The following WDR5 variants were observed in gnomAD, a reference collection of about 807,000 sequenced individuals.
The protein encoded by WDR5 is WD repeat domain 5.
For missense variants in WDR5, 187 were observed against 416.9 expected, an observed-to-expected ratio of 0.45 and a Z score of 4.80; for synonymous variants, 144 against 161.6, an observed-to-expected ratio of 0.89 and a Z score of 0.83.
In WDR5 at chr9:134,152,044, G is replaced by T; in HGVS notation, c.631+15G>T. The T allele has an allele frequency of 1.9e-6, 3 of 1,613,172 alleles. No homozygotes were observed. The highest frequency in any genetic ancestry group is 2.5e-6 in the Non-Finnish European group (3 of 1,179,630). On this transcript the variant is annotated intron_variant, in intron 9 of 13. Transcript: ENST00000358625. ...GACGCTCATCGGTGAGTGTGGCTCT[G>T]TGTGGGGGCTGGGTCTGTGGGGAGG...
At chr9:134,153,901 C>T (rs767987927) in intron 9 of WDR5, among the ~76,000 whole-genome samples, 4 of 152,156 alleles carry the variant, frequency 2.6e-5, no homozygotes, top group Non-Finnish European at 4.4e-5. Flanking sequence ...ACCTGTACAT[C>T]GACAGCTTCT....
intron 13 of WDR5, 127 bp downstream of exon 13, chr9:134,156,720 C>T (rs374912356): frequency 5.8e-5 from 50 of 856,700 alleles, no homozygotes; most frequent in African/African-American, 1.9e-4. Context: ...CCGCTGGCCC[C>T]GCTGAGGAAC....
At chr9:134,136,474 C>T (rs1299467510) in intron 1 of WDR5, among the ~76,000 whole-genome samples, 5 of 152,192 alleles carry the variant, frequency 3.3e-5, no homozygotes, top group African/African-American at 1.2e-4. Context: ...GCCAGAGCGC[C>T]GGCACTGGGT....
intron 7 of WDR5, among the ~76,000 whole-genome samples, chr9:134,145,096 G>GTTCTTTTTTTTTTTTTT (rs1554726635): frequency 9.6e-6 from 1 of 104,664 alleles, no homozygotes; most frequent in Non-Finnish European, 1.8e-5. Flanking sequence ...GTGGGGCTTT[G>GTTCTTTTTTTTTTTTTT]TTTTTTTTTT....
intron 7 of WDR5, among the ~76,000 whole-genome samples, chr9:134,144,672 T>A (rs1298935176): frequency 1.3e-5 from 2 of 152,010 alleles, no homozygotes; most frequent in East Asian, 3.9e-4. Context: ...AGATCCTGTC[T>A]CTATACAAAA....
At position 134,141,961 on chromosome 9, in the gene WDR5, G is replaced by A. The variant is rs775145349; in HGVS notation, c.277G>A (p.Val93Ile). 4.0e-5 allele frequency: 65 copies of A among 1,614,064 alleles called. No individual in the cohort carries two copies. The highest frequency in any genetic ancestry group is 1.6e-4 in the Middle Eastern group (1 of 6,084). The part of the protein sequence containing the change: ...ISGHKLGISD[V>I]AWSSDSNLLV... ...TTTTCTCCCCAAGGGAATATCCGAT[G>A]TAGCCTGGTCGTCAGATTCTAACCT... Residue 93 changes from valine to isoleucine, a missense_variant, in exon 5 of 14, where the codon GTA (valine) becomes ATA (isoleucine). Transcript: ENST00000358625.
intron 6 of WDR5, 68 bp downstream of exon 6, chr9:134,142,490 T>C (rs1831944878): frequency 6.3e-7 from 1 of 1,588,496 alleles, no homozygotes; most frequent in Admixed American, 1.7e-5. Flanking sequence ...TTGAATTTGC[T>C]TGTAGCCACT....
intron 7 of WDR5, among the ~76,000 whole-genome samples, chr9:134,145,415 T>A (rs1832141048): frequency 6.6e-6 from 1 of 152,192 alleles, no homozygotes. Context: ...ACCTTTGATG[T>A]CTGCGCACAT....
chr9:134,144,202 G>A (rs1266845584), intron 7 of WDR5, among the ~76,000 whole-genome samples: 1 of 152,250 alleles, frequency 6.6e-6, no homozygotes, highest in Non-Finnish European at 1.5e-5. Context: ...CAAGACCCTC[G>A]CGGGCCCAGT....
intron 8 of WDR5, among the ~76,000 whole-genome samples, chr9:134,148,642 G>A (rs745676295): frequency 4.6e-5 from 7 of 152,120 alleles, no homozygotes; most frequent in Non-Finnish European, 7.4e-5. Flanking sequence ...CTGTTCACAC[G>A]CTCGTGGAAA....
chr9:134,148,323 A>C lies in WDR5; in HGVS notation c.564A>C (p.Ser188=). The change falls in exon 8 of 14, where the codon TCA becomes TCC. Residue 188 remains serine (S), a synonymous_variant. Transcript: ENST00000358625. ...ATCGTGATGGATCCTTGATAGTTTC[A>C]AGTAGCTATGATGGTCTCTGGTAAG... The part of the protein sequence containing the change: ...HFNRDGSLIV[S]SSYDGLCRIW... 1 of 1,611,536 alleles carries C rather than the reference A, an allele frequency of 6.2e-7. No individual in the cohort carries two copies. The highest frequency in any genetic ancestry group is 8.5e-7 in the Non-Finnish European group (1 of 1,179,250).
intron 8 of WDR5, among the ~76,000 whole-genome samples, chr9:134,151,248 G>A (rs1176501618): frequency 6.6e-6 from 1 of 152,222 alleles, no homozygotes; most frequent in Non-Finnish European, 1.5e-5. Context: ...AGTGTGGGCA[G>A]AACAGGAGGT....
At chr9:134,156,448 A>T (rs998858286) in intron 12 of WDR5, 58 bp from the exon 13 acceptor site, 39 of 1,532,874 alleles carry the variant, frequency 2.5e-5, no homozygotes, top group Non-Finnish European at 3.3e-5. Context: ...TCCCTTTCAC[A>T]TGCATGAGCT....
At chr9:134,155,888 A>G in intron 12 of WDR5, 121 bp downstream of exon 12, 4 of 956,392 alleles carry the variant, frequency 4.2e-6, no homozygotes, top group Non-Finnish European at 6.4e-6. Flanking sequence ...ATGAATTTCC[A>G]TTTCAACCAA....
chr9:134,152,176 C>T (rs1354973924), intron 9 of WDR5, 147 bp downstream of exon 9: 13 of 951,558 alleles, frequency 1.4e-5, no homozygotes, highest in East Asian at 2.6e-5. Context: ...CCGACCGTTC[C>T]GCCAGCTCCC....
intron 8 of WDR5, among the ~76,000 whole-genome samples, chr9:134,150,064 G>A (rs1416331584): frequency 2.6e-5 from 4 of 152,198 alleles, no homozygotes; most frequent in Non-Finnish European, 4.4e-5. Flanking sequence ...GACCACAGGC[G>A]GGAGGGAGCT....
intron 5 of WDR5, 21 bp from the exon 6 acceptor site, chr9:134,142,312 C>G: frequency 6.2e-7 from 1 of 1,608,000 alleles, no homozygotes. Context: ...CTGGAATAAT[C>G]CTAATAATAC....
At chr9:134,151,088 A>G (rs567650346) in intron 8 of WDR5, among the ~76,000 whole-genome samples, 147 of 152,308 alleles carry the variant, frequency 9.7e-4, no homozygotes, top group African/African-American at 3.4e-3. Context: ...GCTAGAGGAC[A>G]TGAATTTGAG....
chr9:134,146,522 C>G (rs1832210815), intron 7 of WDR5, among the ~76,000 whole-genome samples: 1 of 152,216 alleles, frequency 6.6e-6, no homozygotes, highest in African/African-American at 2.4e-5. Flanking sequence ...AGGCGTAAGC[C>G]ACCGCGCCCG....
Sources: allele counts gnomAD v4.1 joint callset (sites outside exome capture counted in the v4.1 genomes callset), GRCh38; gene constraint gnomAD v4.1.1; transcripts MANE v1.5; gene names NCBI Gene and HGNC (gene_info 2026-07-23, HGNC 2026-07-21).